Variants in PAFAH1B2 observed in about 807,000 individuals in gnomAD.
PAFAH1B2 encodes platelet activating factor acetylhydrolase 1b catalytic subunit 2.
A neutral mutation model predicts 28.0 loss-of-function variants in PAFAH1B2; 8 were observed. The ratio of observed to expected loss-of-function variants is 0.29; its 90% confidence interval spans 0.17 to 0.52. The LOEUF is 0.52. Ranked by LOEUF, PAFAH1B2 falls within the 20% of genes least tolerant of loss-of-function variation. The probability of loss-of-function intolerance (pLI) is 0.97; values close to 1 mark genes in which losing one functional copy is unlikely to be tolerated. For synonymous variants in PAFAH1B2, 104 were observed against 103.2 expected, an observed-to-expected ratio of 1.01 and a Z score of -0.05; for missense variants, 190 against 282.6, an observed-to-expected ratio of 0.67 and a Z score of 2.35.
At chr11:117,152,104 C>T (rs1395463479) in intron 1 of PAFAH1B2, among the ~76,000 whole-genome samples, 1 of 152,160 alleles carries the variant, frequency 6.6e-6, no homozygotes, top group African/African-American at 2.4e-5. Context: ...TGTCTAATAA[C>T]TCCTTGTGTC....
At position 117,170,137 on chromosome 11, in the gene PAFAH1B2, A is replaced by T. The variant is rs2134224556; in HGVS notation, c.*2438A>T. The T allele has an allele frequency of 9.5e-7, 1 of 1,054,848 alleles. No individual in the cohort carries two copies. The highest frequency in any genetic ancestry group is 5.3e-5 in the East Asian group (1 of 18,766). The allele number at this position is 1,054,848 out of a possible 1,614,324, so 65.3% of individuals were successfully genotyped here. A position where few individuals can be genotyped will look rare whatever the true frequency, so the allele number is the denominator to read the frequency against. On this transcript the variant is annotated 3_prime_UTR_variant, in exon 6 of 6. Coordinates refer to ENST00000527958, the MANE Select transcript of PAFAH1B2 (RefSeq NM_002572.4). ...GCACTACTTTAGGTAAAAATAGTTA[A>T]TCTATTTTTCTTTGACATCCTAGTT...
chr11:117,161,087 G>A (rs1956360466), intron 3 of PAFAH1B2, 58 bp from the exon 4 acceptor site: 3 of 1,079,292 alleles, frequency 2.8e-6, no homozygotes, highest in Admixed American at 2.3e-5. Context: ...CATTGCAGTC[G>A]AAAGATTAAA....
At chr11:117,171,647 C>G, downstream of PAFAH1B2, 2 of 1,448,070 alleles carry the variant, frequency 1.4e-6, no homozygotes, top group Non-Finnish European at 9.4e-7. Context: ...TCCAAATACT[C>G]TATCTCAGAG....
intron 5 of PAFAH1B2, among the ~76,000 whole-genome samples, chr11:117,164,393 C>T (rs1167339494): frequency 4.2e-5 from 5 of 118,484 alleles, no homozygotes; most frequent in East Asian, 2.2e-4. Flanking sequence ...GGTGACAGAG[C>T]GAGACTCCGT....
At chr11:117,165,528 A>G (rs2134210941) in intron 5 of PAFAH1B2, among the ~76,000 whole-genome samples, 1 of 152,294 alleles carries the variant, frequency 6.6e-6, no homozygotes, top group Middle Eastern at 3.4e-3. Context: ...GCATACAAAA[A>G]TGAGTAAGAC....
chr11:117,171,118 C>T (rs1956640873), downstream of PAFAH1B2: 1 of 960,582 alleles, frequency 1.0e-6, no homozygotes, highest in Non-Finnish European at 1.3e-6. Flanking sequence ...TTTTCCCTGC[C>T]TTATCATAAG....
At chr11:117,154,745 T>C (rs1956224491) in intron 2 of PAFAH1B2, among the ~76,000 whole-genome samples, 1 of 152,114 alleles carries the variant, frequency 6.6e-6, no homozygotes. Context: ...TGCCTGACTT[T>C]AAAAATCTTT....
intron 5 of PAFAH1B2, among the ~76,000 whole-genome samples, chr11:117,165,114 C>A (rs780206125): frequency 2.6e-5 from 4 of 151,140 alleles, no homozygotes; most frequent in African/African-American, 9.7e-5. Context: ...CGCCACCACA[C>A]CCGGCTAATT....
At chr11:117,146,120 T>C (rs1310717191) in intron 1 of PAFAH1B2, among the ~76,000 whole-genome samples, 9 of 149,572 alleles carry the variant, frequency 6.0e-5, no homozygotes, top group East Asian at 5.9e-4. Context: ...CTTTCTTTTT[T>C]TTTTTTTTTT....
In PAFAH1B2 at chr11:117,170,531, G is replaced by C; in HGVS notation, c.*2832G>C. ...CGTGAGGCTACTTGAACTGTCAGGG[G>C]CATCTGCCTAAACCAGAATCTTTTG... On this transcript the variant is annotated 3_prime_UTR_variant, in exon 6 of 6. Coordinates refer to ENST00000527958, the MANE Select transcript of PAFAH1B2 (RefSeq NM_002572.4). The C allele has an allele frequency of 9.5e-7, 1 of 1,058,162 alleles. No homozygotes were observed. Among genetic ancestry groups the C allele is most frequent in the Non-Finnish European group, 1.1e-6 (1 of 875,912 alleles). 65.5% of individuals were successfully genotyped at this position (1,058,162 alleles called of 1,614,324 possible).
At position 117,152,429 on chromosome 11, in the gene PAFAH1B2, G is replaced by C. The variant is rs778881249; in HGVS notation, c.-7-12G>C. On this transcript the variant is annotated splice_polypyrimidine_tract_variant and intron_variant, in intron 1 of 5. Transcript: ENST00000527958. ...TTAACAAATGAAACATGACATAGAC[G>C]TTTTTTCTCAGGTGTAGAATGAGCC... 1 of 1,567,318 alleles carries C rather than the reference G, an allele frequency of 6.4e-7. No homozygotes were observed. Among genetic ancestry groups the C allele is most frequent in the Non-Finnish European group, 8.8e-7 (1 of 1,137,772 alleles).
intron 2 of PAFAH1B2, among the ~76,000 whole-genome samples, chr11:117,156,456 C>T (rs1215434651): frequency 6.6e-6 from 1 of 151,820 alleles, no homozygotes; most frequent in Non-Finnish European, 1.5e-5. Context: ...TTTTCTGGCC[C>T]CAGACATATA....
chr11:117,168,170 T>C lies in PAFAH1B2; in HGVS notation c.*471T>C, dbSNP rs1039874775. On this transcript the variant is annotated 3_prime_UTR_variant, in exon 6 of 6. Transcript: ENST00000527958. Reference sequence around the variant, plus strand: ...TGTTTTTATGTTGCTTAGATTCTTATGTATACTGAATATTTTATTAACATG... The same window carrying C: ...TGTTTTTATGTTGCTTAGATTCTTACGTATACTGAATATTTTATTAACATG... 11 of 1,048,806 alleles carry C rather than the reference T, an allele frequency of 1.0e-5. No homozygotes were observed. Among genetic ancestry groups the C allele is most frequent in the African/African-American group, 9.9e-5 (6 of 60,626 alleles). The allele number at this position is 1,048,806 out of a possible 1,614,324, so 65.0% of individuals were successfully genotyped here. A position where few individuals can be genotyped will look rare whatever the true frequency, so the allele number is the denominator to read the frequency against.
intron 1 of PAFAH1B2, among the ~76,000 whole-genome samples, chr11:117,146,237 C>T (rs1591725722): frequency 6.6e-6 from 1 of 151,446 alleles, no homozygotes; most frequent in South Asian, 2.1e-4. Flanking sequence ...TAGGCATGTG[C>T]CACCACACCC....
Position 117,168,874 on chromosome 11 carries a change from T to A in PAFAH1B2, c.*1175T>A. ...GGTGTGATCTTGGCTCACTGCAGCC[T>A]CCACCTCCCGAGTTCAAATGATTCT... On this transcript the variant is annotated 3_prime_UTR_variant, in exon 6 of 6. Transcript: ENST00000527958. 1 of 444,440 alleles carries A rather than the reference T, an allele frequency of 2.3e-6. No homozygotes were observed. The highest frequency in any genetic ancestry group is 3.1e-6 in the Non-Finnish European group (1 of 323,200). 27.5% of individuals were successfully genotyped at this position (444,440 alleles called of 1,614,324 possible). A position where few individuals can be genotyped will look rare whatever the true frequency, so the allele number is the denominator to read the frequency against.
In PAFAH1B2 at chr11:117,169,270, A is replaced by C; in HGVS notation, c.*1571A>C. 5.8e-6 allele frequency: 6 copies of C among 1,039,372 alleles called. No homozygotes were observed. Among genetic ancestry groups the C allele is most frequent in the Non-Finnish European group, 7.0e-6 (6 of 862,910 alleles). The allele number at this position is 1,039,372 out of a possible 1,614,324, so 64.4% of individuals were successfully genotyped here. A position where few individuals can be genotyped will look rare whatever the true frequency, so the allele number is the denominator to read the frequency against. On this transcript the variant is annotated 3_prime_UTR_variant, in exon 6 of 6. Coordinates refer to ENST00000527958, the MANE Select transcript of PAFAH1B2 (RefSeq NM_002572.4). ...CTTCATCTGAGAATTTGTTGATCTT[A>C]ATGTTCGAGCTATATAAGAACTGCC...
downstream of PAFAH1B2, among the ~76,000 whole-genome samples, chr11:117,174,693 G>A (rs1956742168): frequency 6.6e-6 from 1 of 152,008 alleles, no homozygotes; most frequent in Non-Finnish European, 1.5e-5. Flanking sequence ...TGTCAGGCTG[G>A]GCTCGAATTC....
downstream of PAFAH1B2, among the ~76,000 whole-genome samples, chr11:117,171,460 C>T (rs572763007): frequency 2.0e-5 from 3 of 152,030 alleles, no homozygotes; most frequent in South Asian, 6.2e-4. Context: ...TGCTTGAACC[C>T]AGGAGGCGGA....
chr11:117,161,158 T>G lies in PAFAH1B2; in HGVS notation c.185T>G (p.Leu62Arg). The stretch of plus-strand genomic sequence containing the variant: ...TTCTTTTTTTAGATATGGCGAGAGC[T>G]TTTTTCCCCACTTCATGCACTGAAT... ...LMQQYEIWRE[L>R]FSPLHALNFG... Residue 62 changes from leucine to arginine, a missense_variant, in exon 4 of 6, where the codon CTT (leucine) becomes CGT (arginine). By Grantham distance (102) the Leu-to-Arg change is moderately radical. Transcript: ENST00000527958. The G allele has an allele frequency of 1.3e-6, 2 of 1,587,100 alleles. No homozygotes were observed. Among genetic ancestry groups the G allele is most frequent in the Non-Finnish European group, 1.7e-6 (2 of 1,172,166 alleles).
Sources: allele counts gnomAD v4.1 joint callset (sites outside exome capture counted in the v4.1 genomes callset), GRCh38; gene constraint gnomAD v4.1.1; transcripts MANE v1.5; gene names NCBI Gene and HGNC (gene_info 2026-07-23, HGNC 2026-07-21).